BSPH1: variants seen among roughly 807,000 people sequenced by gnomAD.
BSPH1 encodes the protein binder of sperm 1.
Under a neutral mutation model 22.5 loss-of-function variants are expected in BSPH1, and 21 were observed. The observed-to-expected ratio is 0.93, with a 90% CI of 0.66 to 1.35. The LOEUF (loss-of-function observed/expected upper bound fraction) is 1.35, where lower values mean the gene tolerates loss of function less well. Ranked by LOEUF, BSPH1 falls within the 40% of genes most tolerant of loss-of-function variation. The pLI, the probability that BSPH1 is intolerant of heterozygous loss-of-function variation, is 0.00. For synonymous variants in BSPH1, 42 were observed against 53.6 expected (o/e 0.78, Z 0.95); for missense variants, 141 against 154.2 (o/e 0.91, Z 0.45).
chr19:47,968,681 T>TA (rs71181616), intron 5 of BSPH1, among the ~76,000 whole-genome samples: 8,124 of 92,122 alleles, frequency 0.088, 445 homozygotes, highest in Admixed American at 0.11. Flanking sequence ...GACCCTGTCT[T>TA]AAAAAAAAAA....
At chr19:47,974,767 A>T (rs1320796315) in intron 5 of BSPH1, among the ~76,000 whole-genome samples, 1 of 133,618 alleles carries the variant, frequency 7.5e-6, no homozygotes. Context: ...TATAGTTTCC[A>T]GTTTCCTCTA....
intron 2 of BSPH1, chr19:47,980,394 T>C: frequency 1.8e-6 from 1 of 569,076 alleles, no homozygotes; most frequent in Non-Finnish European, 2.2e-6. Flanking sequence ...AAAATCACAT[T>C]ATGAAGTTAC....
intron 3 of BSPH1, among the ~76,000 whole-genome samples, chr19:47,978,310 G>A (rs1969387638): frequency 6.6e-6 from 1 of 151,820 alleles, no homozygotes; most frequent in East Asian, 1.9e-4. Flanking sequence ...TCACTATGTT[G>A]GCCAGGGTGG....
At chr19:47,991,045 T>C (rs1010853369) in intron 1 of BSPH1, among the ~76,000 whole-genome samples, 1 of 151,254 alleles carries the variant, frequency 6.6e-6, no homozygotes, top group African/African-American at 2.4e-5. Context: ...GAAGGGAGAG[T>C]ATCTTTTTCT....
In BSPH1 at chr19:47,980,944, G is replaced by C; in HGVS notation, c.74-3C>G. ...ACCCACAGTTGATGATAATTCATCT[G>C]AAAAACACAATTTTGAACAAATATT... On this transcript the variant is annotated splice_polypyrimidine_tract_variant and splice_region_variant and intron_variant, in intron 1 of 5. Transcript: ENST00000344839. 7.0e-7 allele frequency: 1 copy of C among 1,430,000 alleles called. No individual in the cohort carries two copies. 88.6% of individuals were successfully genotyped at this position (1,430,000 alleles called of 1,614,324 possible).
At chr19:47,983,828 G>T (rs1201130639) in intron 1 of BSPH1, among the ~76,000 whole-genome samples, 1 of 139,432 alleles carries the variant, frequency 7.2e-6, no homozygotes, top group Non-Finnish European at 1.5e-5. Context: ...CTCCATAAGG[G>T]CTTTGAAGAG....
chr19:47,976,611 C>A, intron 5 of BSPH1, 99 bp downstream of exon 5: 61 of 643,426 alleles, frequency 9.5e-5, no homozygotes, highest in East Asian at 1.4e-4. Context: ...AAAAAACCCT[C>A]TCTAATGAGA....
At chr19:47,982,089 T>C (rs1156909023) in intron 1 of BSPH1, among the ~76,000 whole-genome samples, 6 of 152,152 alleles carry the variant, frequency 3.9e-5, no homozygotes, top group Non-Finnish European at 5.9e-5. Flanking sequence ...TAGCCCGTAA[T>C]AGATGATGCT....
downstream of BSPH1, among the ~76,000 whole-genome samples, chr19:47,967,735 G>A (rs1466464025): frequency 6.6e-6 from 1 of 152,158 alleles, no homozygotes; most frequent in Non-Finnish European, 1.5e-5. Flanking sequence ...CGAGGTCCTG[G>A]GGGTTGGGGC....
intron 1 of BSPH1, among the ~76,000 whole-genome samples, chr19:47,985,131 G>A (rs1053755687): frequency 1.3e-5 from 2 of 151,482 alleles, no homozygotes; most frequent in African/African-American, 2.4e-5. Context: ...CATTATTTGG[G>A]TAATGGCTTC....
chr19:47,982,854 CA>C (rs1373963830), intron 1 of BSPH1, among the ~76,000 whole-genome samples: 3 of 151,992 alleles, frequency 2.0e-5, no homozygotes, highest in African/African-American at 7.3e-5. Flanking sequence ...AAGCCAGACA[CA>C]AAAAGACAAA....
In BSPH1 at chr19:47,992,101, G is replaced by C. The variant is rs144083285; in HGVS notation, c.-20C>G. ...GCCCATGGGCAGTCACAGGCTTCCC[G>C]GTATCTCAGATCTTCCTGGTCTTTG... On this transcript the variant is annotated 5_prime_UTR_variant, in exon 1 of 6. Transcript: ENST00000344839. 1 of 1,546,186 alleles carries C rather than the reference G, an allele frequency of 6.5e-7. No homozygotes were observed. Among genetic ancestry groups the C allele is most frequent in the African/African-American group, 1.4e-5 (1 of 73,026 alleles).
intron 2 of BSPH1, 35 bp downstream of exon 2, chr19:47,980,886 A>C (rs1479170198): frequency 1.5e-6 from 2 of 1,329,688 alleles, no homozygotes; most frequent in East Asian, 5.2e-5. Context: ...AAAATTTGAA[A>C]AGAAACGCTA....
chr19:47,979,622 G>A (rs1256620090), intron 2 of BSPH1, 23 bp from the exon 3 acceptor site: 1 of 1,196,872 alleles, frequency 8.4e-7, no homozygotes, highest in Admixed American at 2.7e-5. Context: ...ATTTAGAGCT[G>A]ACATTTATTT....
At chr19:47,972,266 C>T (rs1969317033) in intron 5 of BSPH1, among the ~76,000 whole-genome samples, 1 of 148,092 alleles carries the variant, frequency 6.8e-6, no homozygotes, top group Admixed American at 6.9e-5. Flanking sequence ...TTGTCCCATG[C>T]TAACCTTGAT....
At chr19:47,969,682 G>T (rs1425338492) in intron 5 of BSPH1, among the ~76,000 whole-genome samples, 1 of 72,062 alleles carries the variant, frequency 1.4e-5, no homozygotes, top group Non-Finnish European at 2.5e-5. Context: ...GCAGGGAGAG[G>T]GGGAGAGAGA....
chr19:47,982,721 T>C (rs1969430412), intron 1 of BSPH1, among the ~76,000 whole-genome samples: 1 of 152,088 alleles, frequency 6.6e-6, no homozygotes, highest in African/African-American at 2.4e-5. Flanking sequence ...CGTGAGCAAA[T>C]GAGTAAATAA....
At chr19:47,967,674 C>T (rs1969271437), downstream of BSPH1, among the ~76,000 whole-genome samples, 1 of 152,204 alleles carries the variant, frequency 6.6e-6, no homozygotes, top group African/African-American at 2.4e-5. Flanking sequence ...AATACCTCAT[C>T]TTAGCTTAAT....
At chr19:47,983,970 G>T (rs1215535273) in intron 1 of BSPH1, among the ~76,000 whole-genome samples, 1 of 151,310 alleles carries the variant, frequency 6.6e-6, no homozygotes, top group African/African-American at 2.4e-5. Context: ...CCAAGTAGCT[G>T]GGACTACAGG....
Sources: allele counts gnomAD v4.1 joint callset (sites outside exome capture counted in the v4.1 genomes callset), GRCh38; gene constraint gnomAD v4.1.1; transcripts MANE v1.5; gene names NCBI Gene and HGNC (gene_info 2026-07-23, HGNC 2026-07-21).